MBTD1: variants seen among roughly 807,000 people sequenced by gnomAD.
MBTD1 encodes MBT domain-containing protein 1.
MBTD1 carries 24 observed loss-of-function variants against 87.8 expected under a neutral mutation model. The ratio of observed to expected loss-of-function variants is 0.27; its 90% CI spans 0.20 to 0.38. The LOEUF is 0.38. Ranked by LOEUF, MBTD1 falls within the 10% of genes least tolerant of loss-of-function variation. MBTD1 has a pLI of 1.00. For missense variants in MBTD1, 436 were observed against 760.2 expected, an observed-to-expected ratio of 0.57 and a Z score of 5.02; for synonymous variants, 237 against 248.6, an observed-to-expected ratio of 0.95 and a Z score of 0.44.
intron 12 of MBTD1, among the ~76,000 whole-genome samples, chr17:51,197,043 T>G (rs183114523): frequency 0.48 from 1,929 of 3,992 alleles, 45 homozygotes; most frequent in East Asian, 0.5. Flanking sequence ...ATATACAAGA[T>G]ATATATATAT....
intron 6 of MBTD1, among the ~76,000 whole-genome samples, chr17:51,215,781 C>T (rs1392468860): frequency 3.3e-5 from 5 of 152,042 alleles, no homozygotes; most frequent in African/African-American, 7.2e-5. Context: ...ATTGTATTTT[C>T]AAGAATGAGA....
At chr17:51,213,949 C>T (rs2052409443) in intron 6 of MBTD1, among the ~76,000 whole-genome samples, 1 of 151,542 alleles carries the variant, frequency 6.6e-6, no homozygotes, top group Non-Finnish European at 1.5e-5. Context: ...AATTATGATG[C>T]TTAAATAAAA....
chr17:51,249,621 G>C (rs1470203833), intron 2 of MBTD1: 2 of 151,996 alleles, frequency 1.3e-5, no homozygotes, highest in Middle Eastern at 3.2e-3. Flanking sequence ...TGGCCTTTAT[G>C]TTTGCTCTCA....
intron 6 of MBTD1, among the ~76,000 whole-genome samples, chr17:51,212,087 C>T (rs969253965): frequency 8.5e-5 from 13 of 152,082 alleles, no homozygotes; most frequent in Admixed American, 1.3e-4. Flanking sequence ...CGGCCAGGCG[C>T]GGTGGCTCAC....
chr17:51,208,312 A>T (rs566630187), intron 6 of MBTD1, among the ~76,000 whole-genome samples: 204 of 152,346 alleles, frequency 1.3e-3, no homozygotes, highest in African/African-American at 4.6e-3. Context: ...AGAAATGGAC[A>T]AGCTCAACTA....
chr17:51,254,089 T>C (rs1022882601), intron 2 of MBTD1, among the ~76,000 whole-genome samples: 2 of 152,242 alleles, frequency 1.3e-5, no homozygotes, highest in Non-Finnish European at 2.9e-5. Context: ...CAAATTTTTA[T>C]ATTTAGCTAT....
intron 6 of MBTD1, 24 bp from the exon 7 acceptor site, chr17:51,207,029 T>C: frequency 7.7e-7 from 1 of 1,302,220 alleles, no homozygotes; most frequent in Non-Finnish European, 1.1e-6. Context: ...ATCATTAAAT[T>C]ATTGTCTTAT....
intron 2 of MBTD1, among the ~76,000 whole-genome samples, chr17:51,237,066 G>A (rs1418854698): frequency 2.0e-5 from 3 of 152,130 alleles, no homozygotes; most frequent in South Asian, 2.1e-4. Flanking sequence ...GGAGGCCGAG[G>A]CGGGCGGATC....
At chr17:51,222,697 C>A (rs1213671555) in intron 3 of MBTD1, among the ~76,000 whole-genome samples, 3 of 152,052 alleles carry the variant, frequency 2.0e-5, no homozygotes, top group Non-Finnish European at 4.4e-5. Flanking sequence ...CAACGCCCAG[C>A]GACACCCAGG....
Position 51,220,587 on chromosome 17 carries a change from C to A in MBTD1, c.155-124G>T, listed in dbSNP as rs936010418. 7.9e-6 allele frequency: 6 copies of A among 760,210 alleles called. No individual in the cohort carries two copies. In the Admixed American group the frequency reaches 1.2e-4, roughly 15 times the overall value. The allele number at this position is 760,210 out of a possible 1,614,324, so 47.1% of individuals were successfully genotyped here. On this transcript the variant is annotated intron_variant, in intron 3 of 16. Coordinates refer to ENST00000586178, the MANE Select transcript of MBTD1 (RefSeq NM_017643.3). ...ATTAAAAAATTTGCCTTGAACATTT[C>A]TTCTATCTCCTATACAAATGATAAA...
intron 5 of MBTD1, 92 bp from the exon 6 acceptor site, chr17:51,217,508 ATTAAT>A: frequency 1.7e-6 from 1 of 600,166 alleles, no homozygotes; most frequent in Non-Finnish European, 2.8e-6. Context: ...AGGACATAAA[ATTAAT>A]TTATCCCATT....
rs993141769 is a variant in MBTD1 at position 51,179,698 on chromosome 17, T to C, written c.*878A>G. ...ACAGAACATCTGTTTTTGGTTGTGG[T>C]TATACGAAGCTGTTATTTCACAGAT... On this transcript the variant is annotated 3_prime_UTR_variant, in exon 17 of 17. Transcript: ENST00000586178. 1 of 151,374 alleles carries C rather than the reference T, an allele frequency of 6.6e-6. No homozygotes were observed. The highest frequency in any genetic ancestry group is 2.4e-5 in the African/African-American group (1 of 41,206). 9.4% of individuals were successfully genotyped at this position (151,374 alleles called of 1,614,324 possible).
At chr17:51,206,105 T>A (rs758078273) in intron 7 of MBTD1, among the ~76,000 whole-genome samples, 22 of 152,296 alleles carry the variant, frequency 1.4e-4, no homozygotes, top group Admixed American at 8.5e-4. Flanking sequence ...CTGGATATCA[T>A]CTTTTGTCCA....
intron 16 of MBTD1, among the ~76,000 whole-genome samples, chr17:51,190,307 A>G (rs1295421244): frequency 1.3e-5 from 2 of 151,892 alleles, no homozygotes; most frequent in Admixed American, 6.6e-5. Context: ...GTTTTTAGAG[A>G]TGGGGTCTTG....
intron 2 of MBTD1, 84 bp downstream of exon 2, chr17:51,259,059 T>G (rs1014791084): frequency 1.3e-5 from 5 of 399,054 alleles, no homozygotes; most frequent in Non-Finnish European, 2.2e-5. Context: ...AGACAACAAT[T>G]AGAACTACTG....
chr17:51,251,770 A>T (rs2054801236), intron 2 of MBTD1: 1 of 152,172 alleles, frequency 6.6e-6, no homozygotes, highest in South Asian at 2.1e-4. Context: ...TTATTTGTAA[A>T]TTCTACAATA....
intron 2 of MBTD1, among the ~76,000 whole-genome samples, chr17:51,225,871 T>C (rs991594369): frequency 2.0e-5 from 3 of 151,886 alleles, no homozygotes; most frequent in Non-Finnish European, 2.9e-5. Flanking sequence ...CTCTGCCTCC[T>C]GGGTTCAAGT....
intron 16 of MBTD1, chr17:51,185,907 A>G (rs2145002408): frequency 6.5e-6 from 1 of 152,778 alleles, no homozygotes; most frequent in South Asian, 2.1e-4. Context: ...AGTTGAAAGA[A>G]AAAGAAAAAA....
At chr17:51,259,769 G>A in intron 1 of MBTD1, 66 bp downstream of exon 1, 1 of 1,228,182 alleles carries the variant, frequency 8.1e-7, no homozygotes, top group Non-Finnish European at 1.0e-6. Context: ...GGGGTTCCTG[G>A]GGTCGGAGAG....
Sources: gnomAD v4.1 joint callset for allele counts (sites outside exome capture counted in the v4.1 genomes callset) on GRCh38, gnomAD v4.1.1 for gene constraint, MANE v1.5 for transcripts, NCBI Gene and HGNC (gene_info 2026-07-23, HGNC 2026-07-21) for gene names.